SPA17: variants seen among roughly 807,000 people sequenced by gnomAD.
SPA17 encodes sperm surface protein Sp17.
Under a neutral mutation model 13.8 loss-of-function variants are expected in SPA17, and 7 were observed. The ratio of observed to expected loss-of-function variants is 0.51; its 90% CI spans 0.29 to 0.95. SPA17 has a LOEUF of 0.95. SPA17 is among the 40% of genes least tolerant of loss of function. The probability of loss-of-function intolerance (pLI) is 0.08; values close to 1 mark genes in which losing one functional copy is unlikely to be tolerated. For missense variants in SPA17, 170 were observed against 179.3 expected (o/e 0.95, Z 0.30); for synonymous variants, 61 against 59.0 (o/e 1.03, Z -0.16).
intron 3 of SPA17, 43 bp from the exon 4 acceptor site, chr11:124,691,653 T>C (rs552049894): frequency 2.8e-6 from 4 of 1,405,088 alleles, no homozygotes; most frequent in Non-Finnish European, 3.9e-6. Flanking sequence ...GACTTTGCCA[T>C]TTTGGAAACA....
intron 2 of SPA17, among the ~76,000 whole-genome samples, chr11:124,677,525 A>G (rs1591402681): frequency 6.6e-6 from 1 of 152,220 alleles, no homozygotes. Context: ...AAAAGAAACC[A>G]TACAGATACT....
At chr11:124,684,628 C>G (rs1240064306) in intron 3 of SPA17, among the ~76,000 whole-genome samples, 1 of 152,160 alleles carries the variant, frequency 6.6e-6, no homozygotes, top group Non-Finnish European at 1.5e-5. Flanking sequence ...AACTTTGGAA[C>G]TGGGTAACAG....
intron 2 of SPA17, among the ~76,000 whole-genome samples, chr11:124,679,019 T>A (rs1170276767): frequency 1.3e-5 from 2 of 151,958 alleles, no homozygotes; most frequent in Non-Finnish European, 2.9e-5. Context: ...TTTAAAATTG[T>A]TAAGCTACTC....
At chr11:124,680,376 A>G (rs960879013) in intron 2 of SPA17, among the ~76,000 whole-genome samples, 3 of 152,214 alleles carry the variant, frequency 2.0e-5, no homozygotes, top group African/African-American at 7.2e-5. Context: ...AGAACTTGTT[A>G]AAAGCCACCA....
chr11:124,677,637 T>C (rs1160143888), intron 2 of SPA17, among the ~76,000 whole-genome samples: 1 of 152,162 alleles, frequency 6.6e-6, no homozygotes, highest in Non-Finnish European at 1.5e-5. Context: ...GAGAAAAGAT[T>C]GTTATAAATT....
At chr11:124,675,023 A>C (rs909801621) in intron 1 of SPA17, 2 of 331,138 alleles carry the variant, frequency 6.0e-6, no homozygotes, top group African/African-American at 4.3e-5. Context: ...ATTTTAAATG[A>C]TTTGGCCTAG....
At chr11:124,686,892 GA>G (rs757616137) in intron 3 of SPA17, among the ~76,000 whole-genome samples, 1 of 152,090 alleles carries the variant, frequency 6.6e-6, no homozygotes, top group Non-Finnish European at 1.5e-5. Context: ...CAAGCAACTT[GA>G]AAAGCAAGAA....
intron 2 of SPA17, among the ~76,000 whole-genome samples, chr11:124,679,939 TA>T (rs200930640): frequency 6.6e-6 from 1 of 151,496 alleles, no homozygotes; most frequent in South Asian, 2.1e-4. Flanking sequence ...TTGTGATGGT[TA>T]AAAAAAAACT....
intron 3 of SPA17, among the ~76,000 whole-genome samples, chr11:124,689,283 C>T (rs1943602804): frequency 6.6e-6 from 1 of 152,098 alleles, no homozygotes; most frequent in Non-Finnish European, 1.5e-5. Context: ...ATCACAAAAG[C>T]ACAGGCAACA....
intron 2 of SPA17, among the ~76,000 whole-genome samples, chr11:124,677,528 C>CAG (rs1237913944): frequency 6.6e-6 from 1 of 152,006 alleles, no homozygotes; most frequent in Non-Finnish European, 1.5e-5. Flanking sequence ...AGAAACCATA[C>CAG]AGATACTAGA....
rs1423864935 is a variant in SPA17, at chr11:124,695,189, T to A, written c.*743T>A. 6.6e-6 allele frequency: 1 copy of A among 152,232 alleles called. No individual in the cohort carries two copies. Among genetic ancestry groups the A allele is most frequent in the Non-Finnish European group, 1.5e-5 (1 of 68,044 alleles). 9.4% of individuals were successfully genotyped at this position (152,232 alleles called of 1,614,324 possible). Reference sequence around the variant, plus strand: ...TTTCATTTATCATACATGTATTCAATCATTTATTGAAAATGTATTGAGTAC... The same window carrying A: ...TTTCATTTATCATACATGTATTCAAACATTTATTGAAAATGTATTGAGTAC... On this transcript the variant is annotated 3_prime_UTR_variant, in exon 5 of 5. Coordinates refer to ENST00000227135, the MANE Select transcript of SPA17 (RefSeq NM_017425.4).
chr11:124,679,948 A>C (rs527964355), intron 2 of SPA17, among the ~76,000 whole-genome samples: 6 of 152,190 alleles, frequency 3.9e-5, no homozygotes, highest in Non-Finnish European at 7.3e-5. Context: ...TTAAAAAAAA[A>C]CTCATTGGTC....
intron 3 of SPA17, among the ~76,000 whole-genome samples, chr11:124,687,553 C>T (rs745499132): frequency 6.6e-6 from 1 of 152,048 alleles, no homozygotes; most frequent in African/African-American, 2.4e-5. Flanking sequence ...AAATCTTCAA[C>T]AGAATACTAG....
chr11:124,681,326 C>T, intron 2 of SPA17, 63 bp from the exon 3 acceptor site: 1 of 1,321,522 alleles, frequency 7.6e-7, no homozygotes, highest in Middle Eastern at 2.0e-4. Flanking sequence ...ATTTGTGTCA[C>T]TATTCTACAT....
In SPA17 at chr11:124,694,494, T is replaced by G. The variant is rs1943654819; in HGVS notation, c.*48T>G. 6.4e-7 allele frequency: 1 copy of G among 1,554,792 alleles called. No individual in the cohort carries two copies. The highest frequency in any genetic ancestry group is 2.1e-5 in the Admixed American group (1 of 48,076). Reference sequence around the variant, plus strand: ...AAACATGAAAAATAATCCAAATCCATCAACCTTCTTATTAATGTCATTTCT... The same window carrying G: ...AAACATGAAAAATAATCCAAATCCAGCAACCTTCTTATTAATGTCATTTCT... On this transcript the variant is annotated 3_prime_UTR_variant, in exon 5 of 5. Coordinates refer to ENST00000227135, the MANE Select transcript of SPA17 (RefSeq NM_017425.4).
intron 3 of SPA17, among the ~76,000 whole-genome samples, chr11:124,684,261 C>G (rs2134413119): frequency 6.6e-6 from 1 of 150,414 alleles, no homozygotes; most frequent in Admixed American, 6.6e-5. Context: ...CAAACTAATA[C>G]AGTAATTTTT....
At chr11:124,690,772 G>C (rs1023067774) in intron 3 of SPA17, among the ~76,000 whole-genome samples, 1 of 152,158 alleles carries the variant, frequency 6.6e-6, no homozygotes, top group African/African-American at 2.4e-5. Flanking sequence ...TAGCCACAAA[G>C]CACAGCAGAT....
chr11:124,683,628 GA>G lies in SPA17; in HGVS notation c.225+2174del, dbSNP rs564623187. On this transcript the variant is annotated intron_variant, in intron 3 of 4. Coordinates refer to ENST00000227135, the MANE Select transcript of SPA17 (RefSeq NM_017425.4). ...CATTTAGACTGAAAGTAAAGAAGTG[GA>G]AAAAGATATTCCATGCCAACAGAAA... 1.7e-4 allele frequency among the ~76,000 whole-genome samples: 26 copies of G among 150,872 alleles called. No homozygotes were observed. The South Asian group carries it at 5.2e-3, about 30-fold the overall frequency.
intron 2 of SPA17, 106 bp downstream of exon 2, chr11:124,675,524 G>A (rs562731745): frequency 2.3e-5 from 28 of 1,242,510 alleles, no homozygotes; most frequent in Non-Finnish European, 3.1e-5. Context: ...CTTTTATGAG[G>A]CAGGGAGTTT....
Sources: allele counts gnomAD v4.1 joint callset (sites outside exome capture counted in the v4.1 genomes callset), GRCh38; gene constraint gnomAD v4.1.1; transcripts MANE v1.5; gene names NCBI Gene and HGNC (gene_info 2026-07-23, HGNC 2026-07-21).